The following CRAMP1 variants were observed in gnomAD, a reference collection of about 807,000 sequenced individuals.
CRAMP1 encodes cramped chromatin regulator 1, also known as protein cramped-like.
A neutral mutation model predicts 115.4 loss-of-function variants in CRAMP1; 50 were observed. That is an observed-to-expected ratio of 0.43 (90% CI 0.35 to 0.55). The LOEUF (loss-of-function observed/expected upper bound fraction) is 0.55, where lower values mean the gene tolerates loss of function less well. CRAMP1 is among the 20% of genes least tolerant of loss of function. The pLI is 0.01. For synonymous variants in CRAMP1, 866 were observed against 745.4 expected (o/e 1.16, Z -2.64); for missense variants, 1,679 against 1,721.7 (o/e 0.98, Z 0.44).
At chr16:1,620,880 G>T (rs1362963122) in intron 2 of CRAMP1, among the ~76,000 whole-genome samples, 2 of 151,876 alleles carry the variant, frequency 1.3e-5, no homozygotes, top group Non-Finnish European at 2.9e-5. Flanking sequence ...GGTTCTTGCT[G>T]CCTGGTGACT....
In CRAMP1 at chr16:1,652,365, G is replaced by A. The variant is rs12598531; in HGVS notation, c.828-131G>A. 637 of 682,032 alleles carry A rather than the reference G, an allele frequency of 9.3e-4. 3 individuals are homozygous for A. In the East Asian group the frequency reaches 0.015, roughly 16 times the overall value. 42.2% of individuals were successfully genotyped at this position (682,032 alleles called of 1,614,324 possible). A position where few individuals can be genotyped will look rare whatever the true frequency, so the allele number is the denominator to read the frequency against. ...ACTGTGTCCTCCCACTGTCCTACGC[G>A]GGCTCGAGAGGCTGGGGTGGATGCT... On this transcript the variant is annotated intron_variant, in intron 6 of 20. Transcript: ENST00000397412.
chr16:1,660,761 C>A (rs1259819559), intron 11 of CRAMP1, among the ~76,000 whole-genome samples: 1 of 152,230 alleles, frequency 6.6e-6, no homozygotes, highest in Admixed American at 6.5e-5. Flanking sequence ...AATCCCAGCA[C>A]TTTGGGAGGC....
Position 1,656,496 on chromosome 16 carries a change from C to A in CRAMP1, c.1739C>A (p.Ala580Glu). 1.3e-6 allele frequency: 2 copies of A among 1,571,982 alleles called. No individual in the cohort carries two copies. The highest frequency in any genetic ancestry group is 2.7e-5 in the African/African-American group (2 of 73,854). ...ATTGTCCCCGAGCAGTGCCGCTGTG[C>A]GGACACACGGCCTGGGAGCGAGCAG... is the stretch of plus-strand genomic sequence containing the variant. The part of the protein sequence containing the change: ...DLIVPEQCRC[A>E]DTRPGSEQPP... The change falls in exon 10 of 21, where the codon GCG (alanine) becomes GAG (glutamate). Residue 580 changes from alanine to glutamate, a missense_variant. Transcript: ENST00000397412. The surrounding 1 kb of genome is among the most constrained non-coding windows in gnomAD (Gnocchi z 5.6).
At position 1,667,409 on chromosome 16, in the gene CRAMP1, T is replaced by C. The variant is rs767950346; in HGVS notation, c.3102+9T>C. On this transcript the variant is annotated intron_variant, in intron 17 of 20. Coordinates refer to ENST00000397412, the MANE Select transcript of CRAMP1 (RefSeq NM_020825.4). ...TGGCAGACAGTTTCCAGGTAGAGTG[T>C]GCTCTTGGGCTGCTGAGCAAAGCAG... 10 of 1,610,622 alleles carry C rather than the reference T, an allele frequency of 6.2e-6. No individual in the cohort carries two copies. In the South Asian group the frequency reaches 1.1e-4, roughly 18 times the overall value.
chr16:1,612,399 G>C lies in CRAMP1; in HGVS notation c.-260G>C, dbSNP rs920850285. 4.6e-5 allele frequency: 7 copies of C among 151,470 alleles called. No individual in the cohort carries two copies. Among genetic ancestry groups the C allele is most frequent in the African/African-American group, 1.7e-4 (7 of 41,350 alleles). 9.4% of individuals were successfully genotyped at this position (151,470 alleles called of 1,614,324 possible). On this transcript the variant is annotated 5_prime_UTR_variant, in exon 1 of 21. Transcript: ENST00000397412. ...CCGCCGTAGCCGGAACTGCTGCTGA[G>C]GGCGGCGGGCCGGCTTCGCTAGGGT...
chr16:1,625,081 T>G (rs1295745704), intron 2 of CRAMP1, among the ~76,000 whole-genome samples: 1 of 152,178 alleles, frequency 6.6e-6, no homozygotes, highest in Non-Finnish European at 1.5e-5. Context: ...TCCCAGCTTT[T>G]TATGGTCCTG....
chr16:1,650,487 A>G (rs911162688), intron 6 of CRAMP1, among the ~76,000 whole-genome samples: 20 of 152,218 alleles, frequency 1.3e-4, no homozygotes, highest in African/African-American at 4.3e-4. Context: ...GCAATTTTCA[A>G]ACAATACACA....
chr16:1,651,956 A>C (rs994928786), intron 6 of CRAMP1, among the ~76,000 whole-genome samples: 1 of 150,792 alleles, frequency 6.6e-6, no homozygotes, highest in African/African-American at 2.4e-5. Flanking sequence ...AAGTGGATTG[A>C]GGTCACACAG....
intron 6 of CRAMP1, among the ~76,000 whole-genome samples, chr16:1,648,554 G>A (rs1221452164): frequency 1.3e-5 from 2 of 151,104 alleles, no homozygotes; most frequent in African/African-American, 2.4e-5. Flanking sequence ...GCAGTGAGCC[G>A]AGATTGCACC....
intron 3 of CRAMP1, among the ~76,000 whole-genome samples, chr16:1,631,191 G>A (rs922177126): frequency 4.6e-5 from 7 of 152,136 alleles, no homozygotes; most frequent in African/African-American, 7.2e-5. Context: ...AGAGCCCTGC[G>A]TTCTCCCCCA....
Position 1,666,184 on chromosome 16 carries a change from C to A in CRAMP1, c.2857+7C>A. 1 of 1,581,836 alleles carries A rather than the reference C, an allele frequency of 6.3e-7. No individual in the cohort carries two copies. Among genetic ancestry groups the A allele is most frequent in the Non-Finnish European group, 8.6e-7 (1 of 1,156,862 alleles). ...GCCACGAGTCACCTGGCCAGTAAGT[C>A]TGTACCTGCATGGCCACAGCCACTG... On this transcript the variant is annotated splice_region_variant and intron_variant, in intron 15 of 20. Coordinates refer to ENST00000397412, the MANE Select transcript of CRAMP1 (RefSeq NM_020825.4). The surrounding 1 kb of genome is among the most constrained non-coding windows in gnomAD (Gnocchi z 5.0).
intron 11 of CRAMP1, among the ~76,000 whole-genome samples, chr16:1,661,869 A>G (rs1340009700): frequency 6.6e-6 from 1 of 152,202 alleles, no homozygotes; most frequent in African/African-American, 2.4e-5. Context: ...AACATTTAGC[A>G]GGGTCCCACA....
rs758590705 is a variant in CRAMP1, at chr16:1,614,780, G to A, written c.141G>A (p.Arg47=). The part of the protein sequence containing the change: ...DAAEESSGTK[R]DEKTPRAGAD... Reference sequence around the variant, plus strand: ...CCGAGGAGAGCAGCGGCACAAAGAGGGACGAGAAGACCCCCCGGGCCGGCG... The same window carrying A: ...CCGAGGAGAGCAGCGGCACAAAGAGAGACGAGAAGACCCCCCGGGCCGGCG... Residue 47 remains arginine (R), a synonymous_variant, in exon 2 of 21, where the codon AGG becomes AGA. Transcript: ENST00000397412. This position sits in a 1 kb window ranked among gnomAD's most constrained non-coding sequence, Gnocchi z 4.4. 16 of 1,353,512 alleles carry A rather than the reference G, an allele frequency of 1.2e-5. No individual in the cohort carries two copies. The highest frequency in any genetic ancestry group is 1.4e-5 in the Non-Finnish European group (15 of 1,042,826). The allele number at this position is 1,353,512 out of a possible 1,614,324, so 83.8% of individuals were successfully genotyped here.
At chr16:1,644,801 T>TC (rs1305365373) in intron 6 of CRAMP1, among the ~76,000 whole-genome samples, 1 of 152,120 alleles carries the variant, frequency 6.6e-6, no homozygotes, top group Non-Finnish European at 1.5e-5. Flanking sequence ...TGCCTCTCGT[T>TC]CCCTGTGGAG....
Position 1,614,947 on chromosome 16 carries a change from G to A in CRAMP1, c.308G>A (p.Gly103Glu). The part of the protein sequence containing the change: ...RPRKDPPSAV[G>E]SGNAGGSGPR... ...AGGAAGGATCCTCCGAGCGCTGTGG[G>A]GAGCGGCAACGCCGGTGGCTCGGGG... Residue 103 changes from glycine (G) to glutamate (E), a missense_variant, in exon 2 of 21, where the codon GGG becomes GAG. Transcript: ENST00000397412. This position sits in a 1 kb window ranked among gnomAD's most constrained non-coding sequence, Gnocchi z 4.4. 2 of 1,268,986 alleles carry A rather than the reference G, an allele frequency of 1.6e-6. No individual in the cohort carries two copies. Among genetic ancestry groups the A allele is most frequent in the Non-Finnish European group, 2.0e-6 (2 of 1,009,272 alleles). 78.6% of individuals were successfully genotyped at this position (1,268,986 alleles called of 1,614,324 possible).
In CRAMP1 at chr16:1,677,728, G is replaced by C. The variant is rs2036982607; in HGVS notation, c.*3683G>C. ...AGTGTATGTATAAAGCAGAATGCCT[G>C]CCTTTCCTGGTTATTTTTTGTACCA... On this transcript the variant is annotated 3_prime_UTR_variant, in exon 21 of 21. Transcript: ENST00000397412. 6.6e-6 allele frequency: 1 copy of C among 152,628 alleles called. No homozygotes were observed. Among genetic ancestry groups the C allele is most frequent in the African/African-American group, 2.4e-5 (1 of 41,452 alleles). 9.5% of individuals were successfully genotyped at this position (152,628 alleles called of 1,614,324 possible). A position where few individuals can be genotyped will look rare whatever the true frequency, so the allele number is the denominator to read the frequency against.
At chr16:1,667,497 C>G (rs1326962365) in intron 17 of CRAMP1, 97 bp downstream of exon 17, 2 of 912,146 alleles carry the variant, frequency 2.2e-6, no homozygotes, top group Non-Finnish European at 3.5e-6. Flanking sequence ...GGCCCGGCTT[C>G]TCTCCTAGAC....
chr16:1,674,799 G>A lies in CRAMP1; in HGVS notation c.*754G>A, dbSNP rs767267880. ...TTTAAGAATTAGGAGACATGGAAGA[G>A]GAAGAACAAAGTCCCCTCTGTAGTT... On this transcript the variant is annotated 3_prime_UTR_variant, in exon 21 of 21. Coordinates refer to ENST00000397412, the MANE Select transcript of CRAMP1 (RefSeq NM_020825.4). 4 of 152,238 alleles carry A rather than the reference G, an allele frequency of 2.6e-5. No homozygotes were observed. Among genetic ancestry groups the A allele is most frequent in the Non-Finnish European group, 5.9e-5 (4 of 68,068 alleles). The allele number at this position is 152,238 out of a possible 1,614,324, so 9.4% of individuals were successfully genotyped here. A position where few individuals can be genotyped will look rare whatever the true frequency, so the allele number is the denominator to read the frequency against.
chr16:1,677,377 A>T lies in CRAMP1; in HGVS notation c.*3332A>T, dbSNP rs2036979052. 6.6e-6 allele frequency: 1 copy of T among 152,242 alleles called. No individual in the cohort carries two copies. The highest frequency in any genetic ancestry group is 2.4e-5 in the African/African-American group (1 of 41,452). 9.4% of individuals were successfully genotyped at this position (152,242 alleles called of 1,614,324 possible). ...AGAATCACTTGAACCTCAGCGGCGG[A>T]GGTTGCAGTGAGTCGAGATCGCGCC... On this transcript the variant is annotated 3_prime_UTR_variant, in exon 21 of 21. Coordinates refer to ENST00000397412, the MANE Select transcript of CRAMP1 (RefSeq NM_020825.4).
Sources: gnomAD v4.1 joint callset for allele counts (sites outside exome capture counted in the v4.1 genomes callset) on GRCh38, gnomAD v4.1.1 for gene constraint, Gnocchi (gnomAD v3.1) non-coding constraint, MANE v1.5 for transcripts, NCBI Gene and HGNC (gene_info 2026-07-23, HGNC 2026-07-21) for gene names.